Variants in MMP28 observed in about 807,000 individuals in gnomAD.
The protein encoded by MMP28 is matrix metalloproteinase-28.
Under a neutral mutation model 60.5 loss-of-function variants are expected in MMP28, and 55 were observed. That is an observed-to-expected ratio of 0.91 (90% CI 0.73 to 1.14). The LOEUF (loss-of-function observed/expected upper bound fraction) is 1.14. Ranked by LOEUF, MMP28 falls within the 50% of genes most tolerant of loss-of-function variation. MMP28 has a pLI of 0.00. For synonymous variants in MMP28, 318 were observed against 312.5 expected, an observed-to-expected ratio of 1.02 and a Z score of -0.18; for missense variants, 686 against 738.3, an observed-to-expected ratio of 0.93 and a Z score of 0.82.
At chr17:35,764,745 C>G (rs1360759554), downstream of MMP28, 3 of 1,047,598 alleles carry the variant, frequency 2.9e-6, no homozygotes, top group Admixed American at 7.4e-5. Flanking sequence ...TCAGCTGCTG[C>G]CCAGAGCGCC....
chr17:35,766,830 T>C lies in MMP28; in HGVS notation c.1233A>G (p.Ala411=). ...PVWGLPQLCR[A]GGLPRHPDAA... is the part of the protein sequence containing the mutation. ...CGTCAGGATGGCGGGGCAGGCCCCC[T>C]GCCCGGCACAGCTGTGGGAGACCCC... The change falls in exon 8 of 8, where the codon GCA becomes GCG. Residue 411 remains alanine (A), a synonymous_variant. Coordinates refer to ENST00000605424, the MANE Select transcript of MMP28 (RefSeq NM_024302.5). This position sits in a 1 kb window ranked among gnomAD's most constrained non-coding sequence, Gnocchi z 4.3. 6.3e-7 allele frequency: 1 copy of C among 1,575,590 alleles called. No homozygotes were observed. The highest frequency in any genetic ancestry group is 8.6e-7 in the Non-Finnish European group (1 of 1,161,368).
At chr17:35,761,637 C>T (rs76960253), downstream of MMP28, among the ~76,000 whole-genome samples, 1,798 of 152,254 alleles carry the variant, frequency 0.012, 12 homozygotes, top group Non-Finnish European at 0.017. Context: ...AGACCTTTGT[C>T]TTCTCCGGCC....
chr17:35,775,389 C>A (rs926113777), intron 3 of MMP28, among the ~76,000 whole-genome samples: 1 of 152,156 alleles, frequency 6.6e-6, no homozygotes, highest in South Asian at 2.1e-4. Context: ...TTTGTGGTGA[C>A]CCCCAGGCCC....
At position 35,766,600 on chromosome 17, in the gene MMP28, A is replaced by G. The variant is rs1283006246; in HGVS notation, c.1463T>C (p.Leu488Pro). 3.7e-6 allele frequency: 6 copies of G among 1,612,534 alleles called. No individual in the cohort carries two copies. The highest frequency in any genetic ancestry group is 5.1e-6 in the Non-Finnish European group (6 of 1,179,732). ...IFFRDDRYWR[L>P]DQAKLQATTS... Reference sequence around the variant, plus strand: ...GGTTGCCTGCAGTTTGGCCTGGTCGAGGCGCCAGTAGCGGTCATCTCGGAA... The same window carrying G: ...GGTTGCCTGCAGTTTGGCCTGGTCGGGGCGCCAGTAGCGGTCATCTCGGAA... Residue 488 changes from leucine (L) to proline (P), a missense_variant, in exon 8 of 8, where the codon CTC (leucine) becomes CCC (proline). Physicochemically the swap from Leu to Pro is moderately conservative, Grantham distance 98. Transcript: ENST00000605424. This position sits in a 1 kb window ranked among gnomAD's most constrained non-coding sequence, Gnocchi z 4.3.
intron 6 of MMP28, 79 bp from the exon 7 acceptor site, chr17:35,767,998 C>G (rs912663441): frequency 6.1e-6 from 9 of 1,477,632 alleles, no homozygotes; most frequent in Non-Finnish European, 8.2e-6. Flanking sequence ...GTCCTGGAAG[C>G]CAGTTTCCCA....
chr17:35,770,355 C>T (rs2086094308), intron 4 of MMP28, 43 bp from the exon 5 acceptor site: 2 of 1,455,916 alleles, frequency 1.4e-6, no homozygotes, highest in Non-Finnish European at 1.8e-6. Flanking sequence ...CGGCCCACGA[C>T]GCCCCCAGGT....
intron 1 of MMP28, among the ~76,000 whole-genome samples, chr17:35,780,098 T>C (rs1555608980): frequency 6.6e-6 from 1 of 152,186 alleles, no homozygotes; most frequent in Non-Finnish European, 1.5e-5. Flanking sequence ...GATGGAGTTT[T>C]GCTCTTGTTG....
At position 35,793,346 on chromosome 17, in the gene MMP28, G is replaced by A. The variant is rs553976052; in HGVS notation, c.111+1921C>T. On this transcript the variant is annotated intron_variant, in intron 1 of 7. Transcript: ENST00000605424. Reference sequence around the variant, plus strand: ...CCTTGCGAGGGATTGCCTGGGACCCGCACTTGCAGGGAGGTGGGGTGGGAC... The same window carrying A: ...CCTTGCGAGGGATTGCCTGGGACCCACACTTGCAGGGAGGTGGGGTGGGAC... Among the ~76,000 whole-genome samples the A allele has an allele frequency of 1.1e-3, 169 of 152,292 alleles. 1 individual carries two copies. The highest frequency in any genetic ancestry group is 8.2e-4 in the African/African-American group (34 of 41,576).
chr17:35,778,649 G>T, intron 3 of MMP28: 2 of 954,002 alleles, frequency 2.1e-6, no homozygotes, highest in Non-Finnish European at 3.0e-6. Context: ...TGGGTTTTGT[G>T]TTTGATCTGG....
At chr17:35,787,802 T>A (rs1280860109) in intron 1 of MMP28, among the ~76,000 whole-genome samples, 4 of 151,850 alleles carry the variant, frequency 2.6e-5, no homozygotes, top group Admixed American at 6.6e-5. Context: ...TTGTCCTTAG[T>A]CTTATAGTCA....
At position 35,770,714 on chromosome 17, in the gene MMP28, A is replaced by ATGTGTGTGTGTGTG. The variant is rs56074641; in HGVS notation, c.605-416_605-403dup. Among the ~76,000 whole-genome samples, 513 of 147,642 alleles carry ATGTGTGTGTGTGTG rather than the reference A, an allele frequency of 3.5e-3. 5 individuals are homozygous for ATGTGTGTGTGTGTG. The highest frequency in any genetic ancestry group is 0.012 in the African/African-American group (489 of 40,132). On this transcript the variant is annotated intron_variant, in intron 4 of 7. Transcript: ENST00000605424. ...CTCACAGAGTTGTTCTGAATAATAA[A>ATGTGTGTGTGTGTG]TGTGTGTGTGTGTGTGTGTGTGTGT...
chr17:35,763,721 A>G (rs1180981795), downstream of MMP28, among the ~76,000 whole-genome samples: 2 of 151,364 alleles, frequency 1.3e-5, no homozygotes, highest in Non-Finnish European at 2.9e-5. Context: ...ACATGGTGAA[A>G]CCCCGTTTCT....
chr17:35,769,310 A>C (rs574630853), intron 5 of MMP28, among the ~76,000 whole-genome samples: 7 of 152,196 alleles, frequency 4.6e-5, no homozygotes, highest in Non-Finnish European at 1.0e-4. Context: ...TAAGTTTCTC[A>C]GGCTACAAAG....
At chr17:35,760,858 C>T in intron 2 of MMP28, 1 of 1,542,656 alleles carries the variant, frequency 6.5e-7, no homozygotes, top group Non-Finnish European at 8.9e-7. Context: ...AGGCCCTAGA[C>T]ATGAGACAAA....
In MMP28 at chr17:35,770,313, C is replaced by A; in HGVS notation, c.605-1G>T. ...AGGAAGGCGTGCGCCAGGGCGCCCC[C>A]TGCAGGTGGGGCAGAAGGTCAGGGG... On this transcript the variant is annotated splice_acceptor_variant, in intron 4 of 7. Coordinates refer to ENST00000605424, the MANE Select transcript of MMP28 (RefSeq NM_024302.5). LOFTEE classifies it high-confidence loss of function. The A allele has an allele frequency of 1.3e-6, 2 of 1,506,482 alleles. No homozygotes were observed. Among genetic ancestry groups the A allele is most frequent in the Non-Finnish European group, 1.8e-6 (2 of 1,136,264 alleles). The allele number at this position is 1,506,482 out of a possible 1,614,324, so 93.3% of individuals were successfully genotyped here.
downstream of MMP28, chr17:35,765,730 CATCACAG>C (rs2085921065): frequency 1.9e-6 from 1 of 525,308 alleles, no homozygotes; most frequent in African/African-American, 2.1e-5. Context: ...CCCTTCTCTC[CATCACAG>C]CTCTGCACAC....
chr17:35,768,333 C>T lies in MMP28; in HGVS notation c.897G>A (p.Leu299=), dbSNP rs1555604288. 3 of 1,613,024 alleles carry T rather than the reference C, an allele frequency of 1.9e-6. No homozygotes were observed. The highest frequency in any genetic ancestry group is 2.7e-5 in the African/African-American group (2 of 74,880). ...AGTCCCAGGTCTCAAAGTCAGTGAA[C>T]AGCTTTCCTGGGAGCTGGACGGCCA... The part of the protein sequence containing the change: ...GSVAVQLPGK[L]FTDFETWDSY... Residue 299 remains leucine (L), a synonymous_variant, in exon 6 of 8, where the codon CTG becomes CTA. Transcript: ENST00000605424.
chr17:35,756,441 A>G, intron 2 of MMP28: 1 of 977,042 alleles, frequency 1.0e-6, no homozygotes, highest in African/African-American at 1.8e-5. Flanking sequence ...CAGAACAGAG[A>G]GGACGGAATG....
chr17:35,763,631 T>TTA (rs1555601955), downstream of MMP28, among the ~76,000 whole-genome samples: 2 of 150,920 alleles, frequency 1.3e-5, no homozygotes, highest in Admixed American at 6.6e-5. Context: ...GTGCAGTGAC[T>TTA]CACGCCTGTA....
Sources: allele counts gnomAD v4.1 joint callset (sites outside exome capture counted in the v4.1 genomes callset), GRCh38; gene constraint gnomAD v4.1.1; non-coding constraint Gnocchi (gnomAD v3.1); transcripts MANE v1.5; gene names NCBI Gene and HGNC (gene_info 2026-07-23, HGNC 2026-07-21).